The following ATP13A4 variants were observed in gnomAD, a reference collection of about 807,000 sequenced individuals.
ATP13A4 encodes the protein probable cation-transporting ATPase 13A4.
ATP13A4 carries 114 observed loss-of-function variants against 142.5 expected under a neutral mutation model. The ratio of observed to expected loss-of-function variants is 0.80; its 90% CI spans 0.69 to 0.93. ATP13A4 has a LOEUF of 0.93. Among genes scored for constraint, ATP13A4 ranks in the 40% least tolerant of loss-of-function variants. ATP13A4 has a pLI of 0.00. For synonymous variants in ATP13A4, 488 were observed against 514.8 expected (o/e 0.95, Z 0.70); for missense variants, 1,392 against 1,454.0 (o/e 0.96, Z 0.69).
chr3:193,438,505 G>C lies in ATP13A4; in HGVS notation c.2642C>G (p.Pro881Arg), dbSNP rs1456461389. 6.2e-7 allele frequency: 1 copy of C among 1,613,998 alleles called. No homozygotes were observed. Among genetic ancestry groups the C allele is most frequent in the Admixed American group, 1.7e-5 (1 of 60,016 alleles). The change falls in exon 23 of 30, where the codon CCA (proline) becomes CGA (arginine). Residue 881 changes from proline (P) to arginine (R), a missense_variant. Coordinates refer to ENST00000342695, the MANE Select transcript of ATP13A4 (RefSeq NM_032279.4). ...SVASPFTSKT[P>R]NIECVPHLIK... ...AAGGTGAGGTACGCACTCAATGTTT[G>C]GAGTTTTGGAAGTGAAAGGTGAGGC...
chr3:193,504,788 A>G (rs1043518130), intron 2 of ATP13A4, among the ~76,000 whole-genome samples: 2 of 152,214 alleles, frequency 1.3e-5, no homozygotes, highest in Admixed American at 6.5e-5. Context: ...TAAAAGAGCC[A>G]TCAAGACCAG....
At chr3:193,578,339 A>ATATCTATATCTATATCTATATC (rs1560289051) in intron 2 of ATP13A4, among the ~76,000 whole-genome samples, 7 of 134,170 alleles carry the variant, frequency 5.2e-5, no homozygotes, top group Non-Finnish European at 1.1e-4. Flanking sequence ...ATCTATATCT[A>ATATCTATATCTATATCTATATC]TATCTATCTA....
At chr3:193,557,507 G>T (rs1439327050), upstream of ATP13A4, among the ~76,000 whole-genome samples, 1 of 152,212 alleles carries the variant, frequency 6.6e-6, no homozygotes, top group African/African-American at 2.4e-5. Context: ...TACACTCACT[G>T]TTGCACACAA....
At chr3:193,437,103 C>CAAAAAAAAAAAAA (rs1190025956) in intron 23 of ATP13A4, among the ~76,000 whole-genome samples, 1 of 62,830 alleles carries the variant, frequency 1.6e-5, no homozygotes, top group African/African-American at 7.2e-5. Flanking sequence ...GACTCCGTCT[C>CAAAAAAAAAAAAA]AAAAAAAAAA....
At chr3:193,510,665 G>A (rs34551230) in intron 2 of ATP13A4, among the ~76,000 whole-genome samples, 5 of 151,946 alleles carry the variant, frequency 3.3e-5, no homozygotes, top group Non-Finnish European at 7.4e-5. Flanking sequence ...TCCTTAATAA[G>A]AGAAGAAGAA....
At chr3:193,494,331 C>T (rs1720108710) in intron 3 of ATP13A4, among the ~76,000 whole-genome samples, 1 of 152,058 alleles carries the variant, frequency 6.6e-6, no homozygotes, top group South Asian at 2.1e-4. Flanking sequence ...AATATACATT[C>T]TTCTCAACTG....
intron 1 of ATP13A4, among the ~76,000 whole-genome samples, chr3:193,536,201 C>A (rs1389739101): frequency 6.6e-6 from 1 of 151,784 alleles, no homozygotes; most frequent in African/African-American, 2.4e-5. Context: ...AAGTATAGAC[C>A]AACATCCCTC....
At chr3:193,509,338 T>G (rs1721022854) in intron 2 of ATP13A4, among the ~76,000 whole-genome samples, 1 of 152,232 alleles carries the variant, frequency 6.6e-6, no homozygotes, top group Admixed American at 6.5e-5. Context: ...TGTACCGATC[T>G]GATTAACTCC....
chr3:193,552,351 T>C (rs986055797), intron 1 of ATP13A4, among the ~76,000 whole-genome samples: 22 of 152,204 alleles, frequency 1.4e-4, no homozygotes, highest in African/African-American at 4.1e-4. Context: ...TTATTTGACA[T>C]GAGGTCTAAA....
intron 12 of ATP13A4, 116 bp from the exon 13 acceptor site, chr3:193,462,939 G>T: frequency 2.0e-6 from 2 of 1,001,544 alleles, no homozygotes; most frequent in African/African-American, 1.6e-5. Context: ...GAACTCAGGA[G>T]TTTAAGACCA....
At chr3:193,487,569 C>A (rs1366192185) in intron 7 of ATP13A4, among the ~76,000 whole-genome samples, 1 of 152,150 alleles carries the variant, frequency 6.6e-6, no homozygotes, top group Non-Finnish European at 1.5e-5. Flanking sequence ...GCCACTTCAG[C>A]CTCCCAAAAT....
chr3:193,481,670 T>G (rs1261410888), intron 8 of ATP13A4, among the ~76,000 whole-genome samples: 1 of 152,220 alleles, frequency 6.6e-6, no homozygotes, highest in Non-Finnish European at 1.5e-5. Context: ...AATCGACATT[T>G]GTTCCCACTG....
intron 20 of ATP13A4, among the ~76,000 whole-genome samples, 182 bp downstream of exon 20, chr3:193,441,284 T>A (rs929623229): frequency 3.9e-5 from 6 of 152,178 alleles, no homozygotes; most frequent in African/African-American, 1.4e-4. Context: ...GTTTATTTAT[T>A]TCAAATCTAG....
At chr3:193,498,532 A>G (rs1720368962) in intron 3 of ATP13A4, among the ~76,000 whole-genome samples, 1 of 152,200 alleles carries the variant, frequency 6.6e-6, no homozygotes, top group South Asian at 2.1e-4. Context: ...TCACAGAGCA[A>G]TGGTTATTAT....
chr3:193,469,471 C>T (rs1012948554), intron 9 of ATP13A4, among the ~76,000 whole-genome samples: 5 of 152,058 alleles, frequency 3.3e-5, no homozygotes, highest in African/African-American at 4.8e-5. Flanking sequence ...ACTAAAAATA[C>T]AAAAATTAGC....
chr3:193,563,979 A>C (rs1306478967), intron 2 of ATP13A4, among the ~76,000 whole-genome samples: 1 of 152,240 alleles, frequency 6.6e-6, no homozygotes, highest in Non-Finnish European at 1.5e-5. Flanking sequence ...GTACTTGAGA[A>C]ATGTTTTCTT....
Position 193,583,026 on chromosome 3 carries a change from A to T in ATP13A4, n.92-1120T>A, listed in dbSNP as rs114346698. ...TATATATGTATATTATATAGATATA[A>T]AAAATATATATGTATAACAATGAAA... On this transcript the variant is annotated intron_variant and non_coding_transcript_variant, in intron 1 of 3. Transcript: ENST00000489140. 1.5e-4 allele frequency among the ~76,000 whole-genome samples: 21 copies of T among 137,562 alleles called. No individual in the cohort carries two copies. In the South Asian group the frequency reaches 2.4e-3, roughly 15 times the overall value. 90.2% of individuals were successfully genotyped at this position (137,562 alleles called of 152,430 possible). A position where few individuals can be genotyped will look rare whatever the true frequency, so the allele number is the denominator to read the frequency against.
At chr3:193,408,348 C>T (rs1714605254) in intron 28 of ATP13A4, among the ~76,000 whole-genome samples, 1 of 152,132 alleles carries the variant, frequency 6.6e-6, no homozygotes, top group South Asian at 2.1e-4. Flanking sequence ...TCTTAAATGT[C>T]TATCAATATG....
chr3:193,571,028 A>C (rs1724251244), intron 2 of ATP13A4, among the ~76,000 whole-genome samples: 1 of 152,226 alleles, frequency 6.6e-6, no homozygotes, highest in East Asian at 1.9e-4. Flanking sequence ...CTGTAATCCC[A>C]GCACTTTGGG....
Sources: allele counts gnomAD v4.1 joint callset (sites outside exome capture counted in the v4.1 genomes callset), GRCh38; gene constraint gnomAD v4.1.1; transcripts MANE v1.5; gene names NCBI Gene and HGNC (gene_info 2026-07-23, HGNC 2026-07-21).